Variants in PTGER3 observed in about 807,000 individuals in gnomAD.
The protein encoded by PTGER3 is prostaglandin E2 receptor EP3 subtype.
A neutral mutation model predicts 34.7 loss-of-function variants in PTGER3; 22 were observed. The observed-to-expected ratio is 0.63, with a 90% CI of 0.45 to 0.91. The LOEUF (loss-of-function observed/expected upper bound fraction) is 0.91. Among genes scored for constraint, PTGER3 ranks in the 40% least tolerant of loss-of-function variants. PTGER3 has a pLI of 0.00. For synonymous variants in PTGER3, 241 were observed against 230.1 expected (o/e 1.05, Z -0.43); for missense variants, 468 against 519.4 (o/e 0.90, Z 0.96).
At position 70,914,663 on chromosome 1, in the gene PTGER3, T is replaced by A. The variant is rs116065572; in HGVS notation, c.*23+39100A>T. ...TCCTGATCCAAATTATCTACTCAAC[T>A]GAGGTGCAATACCTAGAGAATCAAT... On this transcript the variant is annotated intron_variant, in intron 4 of 4. Transcript: ENST00000370931. Among the ~76,000 whole-genome samples the A allele has an allele frequency of 7.2e-3, 1,096 of 152,026 alleles. 14 individuals are homozygous for A. Among genetic ancestry groups the A allele is most frequent in the African/African-American group, 0.025 (1,036 of 41,540 alleles).
chr1:71,010,535 A>G, intron 2 of PTGER3: 3 of 984,660 alleles, frequency 3.0e-6, no homozygotes, highest in Non-Finnish European at 3.6e-6. Flanking sequence ...CTCTGTGTCT[A>G]TCTGACTAGA....
chr1:70,880,701 A>G (rs6656636), intron 4 of PTGER3, among the ~76,000 whole-genome samples: 10,715 of 151,574 alleles, frequency 0.071, 816 homozygotes, highest in African/African-American at 0.19. Flanking sequence ...AAAAAAAGAA[A>G]AAAAAAAAAA....
chr1:70,966,605 C>T (rs1050567543), downstream of PTGER3, among the ~76,000 whole-genome samples: 7 of 152,024 alleles, frequency 4.6e-5, no homozygotes, highest in East Asian at 1.9e-4. Flanking sequence ...CCCTCACCCC[C>T]GACCCCCCAA....
chr1:70,927,193 C>T lies in PTGER3; in HGVS notation c.*23+26570G>A, dbSNP rs566201891. ...TTTGGTATCAGGATGATGCTGGCCT[C>T]ATAAAATGAGTTAAGGAGGATTCCC... On this transcript the variant is annotated intron_variant, in intron 4 of 4. Transcript: ENST00000370931. 2.0e-4 allele frequency among the ~76,000 whole-genome samples: 30 copies of T among 152,262 alleles called. No homozygotes were observed. In the South Asian group the frequency reaches 6.0e-3, roughly 31 times the overall value.
chr1:70,920,691 T>A (rs1315918693), intron 4 of PTGER3, among the ~76,000 whole-genome samples: 1 of 152,202 alleles, frequency 6.6e-6, no homozygotes, highest in Non-Finnish European at 1.5e-5. Flanking sequence ...CTAGTCAAGA[T>A]GGGCAGACAC....
At chr1:70,961,472 A>G (rs1651929106) in intron 2 of PTGER3, among the ~76,000 whole-genome samples, 1 of 152,094 alleles carries the variant, frequency 6.6e-6, no homozygotes, top group Non-Finnish European at 1.5e-5. Context: ...GTGCCTTGGG[A>G]GAGAGTCTTC....
chr1:71,042,567 C>T (rs1050646521), intron 1 of PTGER3, among the ~76,000 whole-genome samples: 1 of 152,006 alleles, frequency 6.6e-6, no homozygotes. Context: ...ATTTTTCCTA[C>T]AATGTGGATT....
chr1:70,935,113 A>C (rs1649084361), intron 4 of PTGER3, among the ~76,000 whole-genome samples: 1 of 152,156 alleles, frequency 6.6e-6, no homozygotes, highest in Admixed American at 6.6e-5. Flanking sequence ...GTCAAGTGCA[A>C]GAAAGTATCT....
chr1:70,864,439 G>A (rs1572487922), intron 4 of PTGER3, among the ~76,000 whole-genome samples: 1 of 152,106 alleles, frequency 6.6e-6, no homozygotes, highest in Admixed American at 6.5e-5. Flanking sequence ...AGCTGTGATA[G>A]TTACCATAGA....
intron 1 of PTGER3, among the ~76,000 whole-genome samples, chr1:71,016,263 G>A (rs1657886178): frequency 6.6e-6 from 1 of 152,056 alleles, no homozygotes; most frequent in African/African-American, 2.4e-5. Flanking sequence ...AATGTTCAGA[G>A]GAGCATTATA....
downstream of PTGER3, among the ~76,000 whole-genome samples, chr1:70,948,407 A>G (rs1249869145): frequency 6.6e-6 from 1 of 152,088 alleles, no homozygotes; most frequent in Non-Finnish European, 1.5e-5. Flanking sequence ...CCCTTCCACC[A>G]TTAACTGTAA....
intron 2 of PTGER3, chr1:71,005,863 C>T: frequency 1.0e-6 from 1 of 953,514 alleles, no homozygotes; most frequent in Non-Finnish European, 1.2e-6. Flanking sequence ...GTCATAATGA[C>T]TTTTAAATTT....
intron 4 of PTGER3, among the ~76,000 whole-genome samples, chr1:70,858,881 A>G (rs1048385104): frequency 1.3e-5 from 2 of 152,252 alleles, no homozygotes; most frequent in Non-Finnish European, 2.9e-5. Context: ...AAAATGCTAT[A>G]GAAATAATTA....
chr1:70,937,281 G>T (rs997758590), intron 4 of PTGER3, among the ~76,000 whole-genome samples: 1 of 152,144 alleles, frequency 6.6e-6, no homozygotes, highest in Non-Finnish European at 1.5e-5. Context: ...ATTTTGTGTT[G>T]CCAAACATGT....
At chr1:70,907,879 C>T (rs1646982366) in intron 4 of PTGER3, among the ~76,000 whole-genome samples, 1 of 152,114 alleles carries the variant, frequency 6.6e-6, no homozygotes, top group South Asian at 2.1e-4. Context: ...ACAGCTCCAC[C>T]CAGGGTGGCC....
chr1:70,937,216 A>T (rs887084664), intron 4 of PTGER3, among the ~76,000 whole-genome samples: 38 of 152,188 alleles, frequency 2.5e-4, no homozygotes, highest in Admixed American at 1.4e-3. Context: ...GGTGGAAATT[A>T]CTTATGGCAG....
rs1225131137 is a variant in PTGER3, at chr1:71,047,521, G to A, written c.57C>T (p.His19=). The change falls in exon 1 of 4, where the codon CAC becomes CAT. Residue 19 remains histidine, a synonymous_variant. Coordinates refer to ENST00000306666, the MANE Select transcript of PTGER3 (RefSeq NM_198719.2). ...GDAPFCTRLN[H]SYTGMWAPER... ...CGGGCGCCCACATGCCTGTGTAGGA[G>A]TGGTTGAGGCGGGTGCAGAAGGGGG... is the stretch of plus-strand genomic sequence containing the variant. The A allele has an allele frequency of 1.3e-6, 2 of 1,598,850 alleles. No individual in the cohort carries two copies. The highest frequency in any genetic ancestry group is 1.3e-5 in the African/African-American group (1 of 74,968).
intron 2 of PTGER3, among the ~76,000 whole-genome samples, chr1:70,961,852 G>T (rs1235245668): frequency 1.3e-5 from 2 of 152,166 alleles, no homozygotes; most frequent in African/African-American, 4.8e-5. Context: ...TAGTAAAATT[G>T]CTTAGGGCCC....
At position 70,924,163 on chromosome 1, in the gene PTGER3, A is replaced by T. The variant is rs567389780; in HGVS notation, c.*23+29600T>A. Among the ~76,000 whole-genome samples the T allele has an allele frequency of 3.6e-3, 552 of 151,370 alleles. 1 individual carries two copies. The highest frequency in any genetic ancestry group is 0.013 in the African/African-American group (529 of 41,288). The stretch of plus-strand genomic sequence containing the variant: ...GGATACACATGGTAGGGCTTGGCTT[A>T]AAAAAAAAGTCTTATTTATCTAAGA... On this transcript the variant is annotated intron_variant, in intron 4 of 4. Coordinates refer to the PTGER3 transcript ENST00000370931.
Sources: gnomAD v4.1 joint callset for allele counts (sites outside exome capture counted in the v4.1 genomes callset) on GRCh38, gnomAD v4.1.1 for gene constraint, MANE v1.5 for transcripts, NCBI Gene and HGNC (gene_info 2026-07-23, HGNC 2026-07-21) for gene names.